LHFPL2: variants seen among roughly 807,000 people sequenced by gnomAD.
The protein encoded by LHFPL2 is LHFPL tetraspan subfamily member 2 protein.
A neutral mutation model predicts 17.5 loss-of-function variants in LHFPL2; 7 were observed. The ratio of observed to expected loss-of-function variants is 0.40; its 90% CI spans 0.23 to 0.75. The LOEUF is 0.75. LHFPL2 is among the 30% of genes least tolerant of loss of function. The pLI, the probability that LHFPL2 is intolerant of heterozygous loss-of-function variation, is 0.37. For synonymous variants in LHFPL2, 134 were observed against 116.2 expected, an observed-to-expected ratio of 1.15 and a Z score of -0.99; for missense variants, 241 against 294.8, an observed-to-expected ratio of 0.82 and a Z score of 1.34.
chr5:78,646,534 C>T (rs542904270), intron 1 of LHFPL2, among the ~76,000 whole-genome samples: 53 of 152,296 alleles, frequency 3.5e-4, no homozygotes, highest in African/African-American at 1.1e-3. Context: ...AAATAACATG[C>T]CCAAGGTTTA....
At chr5:78,523,116 G>C (rs934936948) in intron 3 of LHFPL2, among the ~76,000 whole-genome samples, 7 of 135,368 alleles carry the variant, frequency 5.2e-5, no homozygotes, top group African/African-American at 2.6e-4. Context: ...TCTGTGGTGT[G>C]TGTGTGTGTG....
chr5:78,568,428 C>A (rs1561343058), intron 2 of LHFPL2, among the ~76,000 whole-genome samples: 1 of 152,182 alleles, frequency 6.6e-6, no homozygotes, highest in Non-Finnish European at 1.5e-5. Context: ...ACACAGAGAA[C>A]ACGGCCCCCA....
chr5:78,565,329 T>C (rs1026984844), intron 2 of LHFPL2, among the ~76,000 whole-genome samples: 1 of 152,208 alleles, frequency 6.6e-6, no homozygotes, highest in Non-Finnish European at 1.5e-5. Context: ...GTTCTAAAGC[T>C]AAATTCACAA....
intron 3 of LHFPL2, among the ~76,000 whole-genome samples, chr5:78,553,556 G>C (rs146000132): frequency 6.6e-6 from 1 of 152,334 alleles, no homozygotes; most frequent in Non-Finnish European, 1.5e-5. Flanking sequence ...GACAAGAATG[G>C]AAGAGCTGAT....
At chr5:78,625,106 T>C (rs996885518) in intron 2 of LHFPL2, 5 of 152,138 alleles carry the variant, frequency 3.3e-5, no homozygotes, top group South Asian at 2.1e-4. Context: ...CCAAATGGAG[T>C]TGGACAGTGG....
intron 1 of LHFPL2, among the ~76,000 whole-genome samples, chr5:78,633,990 T>C (rs967302551): frequency 6.6e-5 from 10 of 152,288 alleles, no homozygotes; most frequent in African/African-American, 2.4e-4. Context: ...AAATGAACTC[T>C]GTGGTTACAA....
At chr5:78,592,652 C>T (rs1351324039) in intron 2 of LHFPL2, among the ~76,000 whole-genome samples, 2 of 70,542 alleles carry the variant, frequency 2.8e-5, no homozygotes, top group Non-Finnish European at 7.5e-5. Flanking sequence ...TACTCTTCAA[C>T]TTAGTGAAAA....
intron 2 of LHFPL2, among the ~76,000 whole-genome samples, chr5:78,575,410 G>T (rs1427061698): frequency 6.6e-6 from 1 of 151,986 alleles, no homozygotes; most frequent in Non-Finnish European, 1.5e-5. Context: ...TTAGCCGGGC[G>T]TGGTGGCACG....
At chr5:78,573,380 G>A (rs1757052143) in intron 2 of LHFPL2, among the ~76,000 whole-genome samples, 1 of 152,216 alleles carries the variant, frequency 6.6e-6, no homozygotes, top group Non-Finnish European at 1.5e-5. Context: ...GGTTGGCTTA[G>A]GTGGTTAGCT....
At chr5:78,538,121 T>C (rs1028509349) in intron 3 of LHFPL2, among the ~76,000 whole-genome samples, 1 of 152,178 alleles carries the variant, frequency 6.6e-6, no homozygotes, top group African/African-American at 2.4e-5. Context: ...TCAGGATCTA[T>C]GTTTTAACAA....
intron 3 of LHFPL2, among the ~76,000 whole-genome samples, chr5:78,537,413 T>C (rs1485749877): frequency 1.3e-5 from 2 of 152,198 alleles, no homozygotes; most frequent in Admixed American, 6.5e-5. Context: ...TTTTTAGGTG[T>C]CAATTGCCAG....
intron 1 of LHFPL2, among the ~76,000 whole-genome samples, chr5:78,638,288 G>A (rs900712207): frequency 1.1e-4 from 17 of 152,060 alleles, no homozygotes; most frequent in African/African-American, 3.1e-4. Context: ...AGGGAGGCGG[G>A]GCTTGCAGTG....
In LHFPL2 at chr5:78,509,985, G is replaced by C. The variant is rs778592277; in HGVS notation, c.229C>G (p.Gln77Glu). 2 of 1,613,750 alleles carry C rather than the reference G, an allele frequency of 1.2e-6. No homozygotes were observed. Among genetic ancestry groups the C allele is most frequent in the Non-Finnish European group, 1.7e-6 (2 of 1,179,936 alleles). ...TAGGGCCCGCACAGCGTGTCCCGCT[G>C]GAAGTGCTGCACCCCTGGGTTCCGG... ...CIRNPGVQHF[Q>E]RDTLCGPYAE... is the part of the protein sequence containing the mutation. The change falls in exon 4 of 5, where the codon CAG becomes GAG. Residue 77 changes from glutamine (Q) to glutamate (E), a missense_variant. Coordinates refer to ENST00000380345, the MANE Select transcript of LHFPL2 (RefSeq NM_005779.3).
intron 1 of LHFPL2, among the ~76,000 whole-genome samples, chr5:78,636,144 C>A (rs1745441968): frequency 6.6e-6 from 1 of 152,172 alleles, no homozygotes; most frequent in African/African-American, 2.4e-5. Context: ...GGCCCTGCCT[C>A]CTGCTCTGCC....
intron 4 of LHFPL2, among the ~76,000 whole-genome samples, chr5:78,503,711 A>ACAAG (rs1344099808): frequency 6.6e-6 from 1 of 151,106 alleles, no homozygotes; most frequent in Non-Finnish European, 1.5e-5. Context: ...AAACAAACAA[A>ACAAG]CAAACACAGG....
rs1262195660 is a variant in LHFPL2 at position 78,486,021 on chromosome 5, CAACAA to C, written c.*2871_*2875del. On this transcript the variant is annotated 3_prime_UTR_variant, in exon 5 of 5. Coordinates refer to ENST00000380345, the MANE Select transcript of LHFPL2 (RefSeq NM_005779.3). ...CTCCTGTCCAGTTTCCAAAACAAAA[CAACAA>C]AACATACATACACCTTTGTTATTGC... The C allele has an allele frequency of 4.6e-5, 7 of 152,414 alleles. No homozygotes were observed. Among genetic ancestry groups the C allele is most frequent in the African/African-American group, 1.5e-4 (6 of 41,348 alleles). The allele number at this position is 152,414 out of a possible 1,614,324, so 9.4% of individuals were successfully genotyped here.
At chr5:78,511,572 G>C (rs1027600320) in intron 3 of LHFPL2, among the ~76,000 whole-genome samples, 1 of 152,200 alleles carries the variant, frequency 6.6e-6, no homozygotes, top group African/African-American at 2.4e-5. Context: ...AACTCCATGA[G>C]AACTGCAAAG....
Position 78,593,315 on chromosome 5 carries a change from A to C in LHFPL2, c.-244-28444T>G, listed in dbSNP as rs372968314. Among the ~76,000 whole-genome samples the C allele has an allele frequency of 1.7e-3, 252 of 152,242 alleles. 1 individual carries two copies. The highest frequency in any genetic ancestry group is 5.3e-3 in the African/African-American group (222 of 41,552). The stretch of plus-strand genomic sequence containing the variant: ...TAAGACATCTAGGTTCCTGGAATTA[A>C]GGAAAAGAAGAGCTAAAGTCAAGAG... On this transcript the variant is annotated intron_variant, in intron 2 of 4. Coordinates refer to ENST00000380345, the MANE Select transcript of LHFPL2 (RefSeq NM_005779.3).
intron 2 of LHFPL2, among the ~76,000 whole-genome samples, chr5:78,601,197 G>A (rs965796052): frequency 6.6e-6 from 1 of 152,188 alleles, no homozygotes; most frequent in Non-Finnish European, 1.5e-5. Flanking sequence ...GGAGAAATGA[G>A]GTGTCACTGA....
Sources: allele counts gnomAD v4.1 joint callset (sites outside exome capture counted in the v4.1 genomes callset), GRCh38; gene constraint gnomAD v4.1.1; transcripts MANE v1.5; gene names NCBI Gene and HGNC (gene_info 2026-07-23, HGNC 2026-07-21).